The following MOV10L1 variants were observed in gnomAD, a reference collection of about 807,000 sequenced individuals.
MOV10L1 encodes Mov10 like RNA helicase 1.
Under a neutral mutation model 143.8 loss-of-function variants are expected in MOV10L1, and 110 were observed. The ratio of observed to expected loss-of-function variants is 0.76; its 90% CI spans 0.66 to 0.90. MOV10L1 has a LOEUF of 0.90. Among genes scored for constraint, MOV10L1 ranks in the 40% least tolerant of loss-of-function variants. The pLI is 0.00. For missense variants in MOV10L1, 1,406 were observed against 1,526.8 expected, an observed-to-expected ratio of 0.92 and a Z score of 1.32; for synonymous variants, 593 against 581.1, an observed-to-expected ratio of 1.02 and a Z score of -0.29.
At position 50,115,892 on chromosome 22, in the gene MOV10L1, T is replaced by C. The variant is rs139196227; in HGVS notation, c.1259+646T>C. On this transcript the variant is annotated intron_variant, in intron 8 of 26. Coordinates refer to ENST00000262794, the MANE Select transcript of MOV10L1 (RefSeq NM_018995.3). ...TTTGGCCAAGGCACGGACAGCACAG[T>C]GTGCTGAGGGAGGGGCAGGAAGGGC... 5.3e-4 allele frequency among the ~76,000 whole-genome samples: 81 copies of C among 152,260 alleles called. 1 individual carries two copies. The East Asian group carries it at 0.014, about 27-fold the overall frequency.
intron 15 of MOV10L1, among the ~76,000 whole-genome samples, chr22:50,136,352 CT>C (rs1316145707): frequency 6.6e-6 from 1 of 152,092 alleles, no homozygotes; most frequent in Non-Finnish European, 1.5e-5. Context: ...AAACCTGAAA[CT>C]TTATCTTCTT....
At chr22:50,093,671 A>G (rs1221910948) in intron 2 of MOV10L1, 3 of 152,228 alleles carry the variant, frequency 2.0e-5, no homozygotes, top group Middle Eastern at 6.8e-3. Flanking sequence ...ATCATACCTG[A>G]CTAATTTTTA....
chr22:50,139,321 G>T (rs565401268), intron 15 of MOV10L1, among the ~76,000 whole-genome samples: 26 of 151,986 alleles, frequency 1.7e-4, no homozygotes, highest in African/African-American at 5.8e-4. Flanking sequence ...TCCTCTGTTT[G>T]GGCAAGGATT....
At chr22:50,095,341 A>G (rs2062562359) in intron 2 of MOV10L1, 1 of 152,252 alleles carries the variant, frequency 6.6e-6, no homozygotes, top group Non-Finnish European at 1.5e-5. Context: ...GACTTCCATC[A>G]TCAGAGATGT....
At chr22:50,139,730 A>T (rs2147325816) in intron 15 of MOV10L1, among the ~76,000 whole-genome samples, 1 of 152,362 alleles carries the variant, frequency 6.6e-6, no homozygotes, top group African/African-American at 2.4e-5. Context: ...TTACCAGAGA[A>T]TACATACAGA....
rs2063500562 is a variant in MOV10L1, at chr22:50,159,374, G to A, written c.3217-304G>A. ...CCCAGCACTTTGGGAGGCCGAGGTA[G>A]GCGGATCACAAGGTCAGGAGTTCAA... On this transcript the variant is annotated intron_variant, in intron 23 of 26. Coordinates refer to ENST00000262794, the MANE Select transcript of MOV10L1 (RefSeq NM_018995.3). The surrounding 1 kb of genome is among the most constrained non-coding windows in gnomAD (Gnocchi z 4.1). 1.1e-5 allele frequency: 2 copies of A among 179,568 alleles called. No homozygotes were observed. Among genetic ancestry groups the A allele is most frequent in the South Asian group, 2.5e-4 (2 of 7,884 alleles). The allele number at this position is 179,568 out of a possible 1,614,324, so 11.1% of individuals were successfully genotyped here.
chr22:50,133,589 G>A (rs1284448142), intron 13 of MOV10L1, among the ~76,000 whole-genome samples: 1 of 151,770 alleles, frequency 6.6e-6, no homozygotes, highest in Admixed American at 6.6e-5. Flanking sequence ...CACCCAGGCT[G>A]GAGTGCAGTG....
chr22:50,128,043 A>G (rs2147241373), intron 12 of MOV10L1, among the ~76,000 whole-genome samples: 1 of 152,270 alleles, frequency 6.6e-6, no homozygotes, highest in African/African-American at 2.4e-5. Flanking sequence ...AAGTGCTGGG[A>G]TTACAGGTGT....
rs572584189 is a variant in MOV10L1 at position 50,159,985 on chromosome 22, A to G, written c.3324+200A>G. 3.9e-5 allele frequency among the ~76,000 whole-genome samples: 6 copies of G among 152,290 alleles called. No individual in the cohort carries two copies. The East Asian group carries it at 1.2e-3, about 29-fold the overall frequency. On this transcript the variant is annotated intron_variant, in intron 24 of 26. Coordinates refer to ENST00000262794, the MANE Select transcript of MOV10L1 (RefSeq NM_018995.3). The surrounding 1 kb of genome is among the most constrained non-coding windows in gnomAD (Gnocchi z 4.1). Reference sequence around the variant, plus strand: ...TAAAACAATACTCAAAGACTAAGACACAGGAGAGTAAAGAGAAGGGACCCA... The same window carrying G: ...TAAAACAATACTCAAAGACTAAGACGCAGGAGAGTAAAGAGAAGGGACCCA...
At chr22:50,119,023 C>T (rs2062260374) in intron 9 of MOV10L1, among the ~76,000 whole-genome samples, 1 of 152,136 alleles carries the variant, frequency 6.6e-6, no homozygotes, top group Non-Finnish European at 1.5e-5. Flanking sequence ...AGAGCAGAGT[C>T]CCCGAGGATC....
chr22:50,145,098 A>G (rs2063112696), intron 18 of MOV10L1, among the ~76,000 whole-genome samples: 1 of 151,952 alleles, frequency 6.6e-6, no homozygotes, highest in Non-Finnish European at 1.5e-5. Flanking sequence ...GTGTGCCACC[A>G]CATCCAGCTA....
chr22:50,126,225 C>CA lies in MOV10L1; in HGVS notation c.1773dup (p.Glu592ArgfsTer15), dbSNP rs2062501206. The CA allele has an allele frequency of 6.2e-7, 1 of 1,611,140 alleles. No homozygotes were observed. The highest frequency in any genetic ancestry group is 8.5e-7 in the Non-Finnish European group (1 of 1,177,552). On this transcript the variant is annotated frameshift_variant, in exon 12 of 27. Transcript: ENST00000262794. LOFTEE classifies it high-confidence loss of function. ...AGGTGATAAACTGATTTTAAAAACTCAAGAGTACAATGGACATGCCATCGA... is the reference window on the plus strand; with the variant it reads ...AGGTGATAAACTGATTTTAAAAACTCAAAGAGTACAATGGACATGCCATCGA...
rs985497095 is a variant in MOV10L1 at position 50,138,557 on chromosome 22, C to CA, written c.2071-3512dup. Among the ~76,000 whole-genome samples the CA allele has an allele frequency of 7.4e-3, 877 of 118,334 alleles. 4 individuals are homozygous for CA. Among genetic ancestry groups the CA allele is most frequent in the African/African-American group, 0.015 (485 of 31,348 alleles). The allele number at this position is 118,334 out of a possible 152,430, so 77.6% of individuals were successfully genotyped here. On this transcript the variant is annotated intron_variant, in intron 15 of 26. Transcript: ENST00000262794. Reference sequence around the variant, plus strand: ...TGAGTGATGAAGTGAAACCCTGTCTCAAAAAAAAAAAATAGAAAAGAAAAA... The same window carrying CA: ...TGAGTGATGAAGTGAAACCCTGTCTCAAAAAAAAAAAAATAGAAAAGAAAAA...
At position 50,159,850 on chromosome 22, in the gene MOV10L1, G is replaced by A. The variant is rs917063147; in HGVS notation, c.3324+65G>A. On this transcript the variant is annotated intron_variant, in intron 24 of 26. Transcript: ENST00000262794. This position sits in a 1 kb window ranked among gnomAD's most constrained non-coding sequence, Gnocchi z 4.1. ...GCTTGCTGCCCTGGGGGTTCTGGGG[G>A]CTTCAGATCTAAAGGGGCAGAGGCT... 5.6e-5 allele frequency: 62 copies of A among 1,106,808 alleles called. No individual in the cohort carries two copies. The East Asian group carries it at 1.3e-3, about 23-fold the overall frequency. 68.6% of individuals were successfully genotyped at this position (1,106,808 alleles called of 1,614,324 possible).
intron 20 of MOV10L1, among the ~76,000 whole-genome samples, chr22:50,150,056 C>G (rs537006978): frequency 6.6e-6 from 1 of 152,144 alleles, no homozygotes; most frequent in Non-Finnish European, 1.5e-5. Context: ...ACCCACTTGC[C>G]CCTCAGGCTG....
In MOV10L1 at chr22:50,161,590, G is replaced by T; in HGVS notation, c.*141G>T. 2.5e-6 allele frequency: 2 copies of T among 784,938 alleles called. No homozygotes were observed. The highest frequency in any genetic ancestry group is 4.0e-6 in the Non-Finnish European group (2 of 506,086). 48.6% of individuals were successfully genotyped at this position (784,938 alleles called of 1,614,324 possible). A position where few individuals can be genotyped will look rare whatever the true frequency, so the allele number is the denominator to read the frequency against. The stretch of plus-strand genomic sequence containing the variant: ...TGGGTGTGGGGCTGCCAGGTTGGAC[G>T]CAGCTGCTGCTGCCCTGACTTTGGC... On this transcript the variant is annotated 3_prime_UTR_variant, in exon 27 of 27. Transcript: ENST00000262794.
chr22:50,152,906 GAC>G lies in MOV10L1; in HGVS notation c.2893-133_2893-132del, dbSNP rs2063335134. 2.6e-5 allele frequency: 21 copies of G among 806,360 alleles called. No individual in the cohort carries two copies. In the South Asian group the frequency reaches 4.1e-4, roughly 16 times the overall value. 50.0% of individuals were successfully genotyped at this position (806,360 alleles called of 1,614,324 possible). On this transcript the variant is annotated intron_variant, in intron 21 of 26. Transcript: ENST00000262794. The surrounding 1 kb of genome is among the most constrained non-coding windows in gnomAD (Gnocchi z 4.4). Reference sequence around the variant, plus strand: ...CCAAGGGCTTGGTCTGGGGGCAGGCGACACACAGGGGCGCAGGAGCAGAGTCA... The same window carrying G: ...CCAAGGGCTTGGTCTGGGGGCAGGCGACACAGGGGCGCAGGAGCAGAGTCA...
At chr22:50,138,735 C>T (rs1343545379) in intron 15 of MOV10L1, among the ~76,000 whole-genome samples, 5 of 152,162 alleles carry the variant, frequency 3.3e-5, no homozygotes, top group African/African-American at 4.8e-5. Flanking sequence ...GAGACAGTCT[C>T]GCTCTGTTGC....
intron 19 of MOV10L1, chr22:50,146,893 A>G: frequency 1.6e-6 from 1 of 626,978 alleles, no homozygotes; most frequent in Non-Finnish European, 2.8e-6. Flanking sequence ...TTTTGGTTCA[A>G]GTCTTCAAAA....
Sources: allele counts gnomAD v4.1 joint callset (sites outside exome capture counted in the v4.1 genomes callset), GRCh38; gene constraint gnomAD v4.1.1; non-coding constraint Gnocchi (gnomAD v3.1); transcripts MANE v1.5; gene names NCBI Gene and HGNC (gene_info 2026-07-23, HGNC 2026-07-21).